Variants in BNC2 observed in about 807,000 individuals in gnomAD.
BNC2 encodes zinc finger protein basonuclin-2.
In BNC2, 20 loss-of-function variants were observed where a neutral mutation model predicts 76.3. The observed-to-expected ratio is 0.26, with a 90% CI of 0.18 to 0.38. BNC2 has a LOEUF of 0.38. Among genes scored for constraint, BNC2 ranks in the 10% least tolerant of loss-of-function variants. The pLI is 1.00. For synonymous variants in BNC2, 582 were observed against 514.8 expected (o/e 1.13, Z -1.77); for missense variants, 1,382 against 1,399.8 (o/e 0.99, Z 0.20).
intron 3 of BNC2, among the ~76,000 whole-genome samples, chr9:16,621,777 A>T (rs1820874076): frequency 6.6e-6 from 1 of 152,198 alleles, no homozygotes; most frequent in Admixed American, 6.5e-5. Context: ...AAAGTGTAAA[A>T]TACACTGAAT....
At chr9:16,857,503 A>G (rs909233278) in intron 1 of BNC2, among the ~76,000 whole-genome samples, 8 of 149,958 alleles carry the variant, frequency 5.3e-5, no homozygotes, top group Admixed American at 1.3e-4. Context: ...AAAAAAAAAA[A>G]AAGAAGTGAT....
intron 4 of BNC2, among the ~76,000 whole-genome samples, chr9:16,570,633 A>G (rs1819296421): frequency 6.6e-6 from 1 of 152,224 alleles, no homozygotes; most frequent in Admixed American, 6.5e-5. Context: ...TCTTAAATGC[A>G]CAAGTAGAAA....
chr9:16,439,969 C>T (rs1465037275), intron 5 of BNC2, among the ~76,000 whole-genome samples: 1 of 152,330 alleles, frequency 6.6e-6, no homozygotes, highest in Non-Finnish European at 1.5e-5. Context: ...CCAGATGATC[C>T]TGAAGTCCGG....
At chr9:16,727,012 A>T (rs1264191522) in intron 3 of BNC2, 1 of 152,238 alleles carries the variant, frequency 6.6e-6, no homozygotes, top group Non-Finnish European at 1.5e-5. Context: ...TCGCGCTACC[A>T]CGTCGGCTTT....
At chr9:16,464,241 C>G (rs1195015440) in intron 5 of BNC2, among the ~76,000 whole-genome samples, 3 of 152,210 alleles carry the variant, frequency 2.0e-5, no homozygotes, top group South Asian at 4.2e-4. Flanking sequence ...CATTTTCTCT[C>G]CAGGCTGATG....
intron 5 of BNC2, among the ~76,000 whole-genome samples, chr9:16,504,146 TCTGCGAAATAAGGATTATTTTCCTACA>T (rs1822577683): frequency 6.6e-6 from 1 of 152,144 alleles, no homozygotes; most frequent in Non-Finnish European, 1.5e-5. Flanking sequence ...AGTTTCCTCA[TCTGCGAAATAAGGATTATTTTCCTACA>T]CTGTATGTGA....
intron 1 of BNC2, among the ~76,000 whole-genome samples, chr9:16,839,314 T>C (rs535759280): frequency 9.0e-4 from 137 of 152,354 alleles, no homozygotes; most frequent in African/African-American, 3.1e-3. Context: ...TTTAATGCCA[T>C]GTTTATATTA....
At chr9:16,728,540 AT>A (rs1002497171) in intron 2 of BNC2, among the ~76,000 whole-genome samples, 225 of 151,426 alleles carry the variant, frequency 1.5e-3, no homozygotes, top group African/African-American at 5.1e-3. Context: ...TGATACTTAA[AT>A]TTTTTTTTAA....
chr9:16,578,435 C>A (rs532842660), intron 4 of BNC2, among the ~76,000 whole-genome samples: 1 of 151,578 alleles, frequency 6.6e-6, no homozygotes, highest in African/African-American at 2.4e-5. Flanking sequence ...TTTTTTTTCA[C>A]GAAGACAGCA....
In BNC2 at chr9:16,436,398, C is replaced by A; in HGVS notation, c.1796G>T (p.Gly599Val). The A allele has an allele frequency of 6.2e-7, 1 of 1,613,998 alleles. No homozygotes were observed. The highest frequency in any genetic ancestry group is 8.5e-7 in the Non-Finnish European group (1 of 1,180,006). ...TGGCGGGGGGTGCTGCTCTATGGTA[C>A]CACTGGTTGGAATGATGGGACTGGT... ...LPTSPIIPTS[G>V]TIEQHPPPPS... Residue 599 changes from glycine (G) to valine (V), a missense_variant, in exon 6 of 7, where the codon GGT (glycine) becomes GTT (valine). Gly to Val is a moderately radical substitution (Grantham distance 109). Around this residue, in one of 3 missense-constraint regions of BNC2, gnomAD observed 798 missense variants for 775.5 expected, o/e 1.03. Coordinates refer to ENST00000380672, the MANE Select transcript of BNC2 (RefSeq NM_017637.6).
chr9:16,556,996 G>A (rs1299191587), intron 4 of BNC2, among the ~76,000 whole-genome samples: 1 of 151,422 alleles, frequency 6.6e-6, no homozygotes, highest in East Asian at 1.9e-4. Context: ...CTAGACTGCT[G>A]CCTAATTTCA....
At chr9:16,782,931 T>C (rs1014974487) in intron 1 of BNC2, among the ~76,000 whole-genome samples, 1 of 152,164 alleles carries the variant, frequency 6.6e-6, no homozygotes, top group African/African-American at 2.4e-5. Context: ...GCCTAATTCT[T>C]AGAAGCATTT....
chr9:16,754,974 C>T (rs1314042398), intron 1 of BNC2, among the ~76,000 whole-genome samples: 1 of 152,134 alleles, frequency 6.6e-6, no homozygotes. Flanking sequence ...AAGATACTTC[C>T]CCCTTCACCT....
rs543057165 is a variant in BNC2, at chr9:16,634,977, G to C, written c.331-51892C>G. Among the ~76,000 whole-genome samples, 4 of 152,120 alleles carry C rather than the reference G, an allele frequency of 2.6e-5. No homozygotes were observed. The East Asian group carries it at 5.8e-4, about 22-fold the overall frequency. On this transcript the variant is annotated intron_variant, in intron 3 of 6. Coordinates refer to ENST00000380672, the MANE Select transcript of BNC2 (RefSeq NM_017637.6). ...TTGTAGCTTGAATTCAGTGCCACTT[G>C]ACAGAATCTATTAGTAATGTGGTCT...
intron 3 of BNC2, among the ~76,000 whole-genome samples, chr9:16,594,425 G>C (rs889630120): frequency 2.0e-5 from 3 of 152,118 alleles, no homozygotes; most frequent in African/African-American, 7.2e-5. Flanking sequence ...TATAAAAGGA[G>C]CTGCCCACCT....
chr9:16,870,554 C>G, intron 1 of BNC2, 92 bp downstream of exon 1: 1 of 1,466,450 alleles, frequency 6.8e-7, no homozygotes, highest in Non-Finnish European at 9.3e-7. Flanking sequence ...AGGGCGGACA[C>G]GGCCCCCGGG....
intron 4 of BNC2, chr9:16,580,037 A>G (rs1388494135): frequency 2.5e-5 from 10 of 398,270 alleles, no homozygotes; most frequent in Admixed American, 4.4e-5. Flanking sequence ...AGAAAACCCA[A>G]GTCACTTCCT....
intron 5 of BNC2, among the ~76,000 whole-genome samples, chr9:16,461,513 C>T (rs1304091578): frequency 6.6e-6 from 1 of 151,148 alleles, no homozygotes; most frequent in Admixed American, 6.6e-5. Context: ...TAAGTGAGGC[C>T]TCACAGATAC....
At chr9:16,685,412 G>A (rs913954527) in intron 3 of BNC2, 5 of 440,636 alleles carry the variant, frequency 1.1e-5, no homozygotes, top group South Asian at 3.6e-5. Context: ...CTGCACATAC[G>A]CTACACTGGT....
Sources: allele counts gnomAD v4.1 joint callset (sites outside exome capture counted in the v4.1 genomes callset), GRCh38; gene constraint gnomAD v4.1.1; regional missense constraint gnomAD v4.1.1; transcripts MANE v1.5; gene names NCBI Gene and HGNC (gene_info 2026-07-23, HGNC 2026-07-21).